PAG1: variants seen among roughly 807,000 people sequenced by gnomAD.
The protein encoded by PAG1 is phosphoprotein associated with glycosphingolipid-enriched microdomains 1.
A neutral mutation model predicts 31.7 loss-of-function variants in PAG1; 23 were observed. The observed-to-expected ratio is 0.73, with a 90% CI of 0.52 to 1.03. The LOEUF is 1.03. PAG1 is among the 50% of genes least tolerant of loss of function. PAG1 has a pLI of 0.00. For synonymous variants in PAG1, 214 were observed against 210.3 expected (o/e 1.02, Z -0.15); for missense variants, 473 against 540.7 (o/e 0.87, Z 1.24).
intron 3 of PAG1, among the ~76,000 whole-genome samples, chr8:81,021,384 C>CATT (rs1172414077): frequency 7.3e-5 from 11 of 150,740 alleles, no homozygotes; most frequent in Non-Finnish European, 5.9e-5. Flanking sequence ...AATATCGGTA[C>CATT]ATTATTATTA....
At chr8:81,007,364 A>G (rs935864040) in intron 3 of PAG1, among the ~76,000 whole-genome samples, 1 of 151,904 alleles carries the variant, frequency 6.6e-6, no homozygotes, top group Non-Finnish European at 1.5e-5. Context: ...CTATAATCCC[A>G]GCACTTTGGG....
rs1809775442 is a variant in PAG1 at position 81,111,642 on chromosome 8, C to T, written c.-285G>A. On this transcript the variant is annotated 5_prime_UTR_variant, in exon 1 of 9. Transcript: ENST00000220597. ...CTGGCGGACGGCGCTCGGAGGCAGC[C>T]TCTGCAAACTCCGGCGCGCAGCGCC... 1 of 152,418 alleles carries T rather than the reference C, an allele frequency of 6.6e-6. No individual in the cohort carries two copies. Among genetic ancestry groups the T allele is most frequent in the Non-Finnish European group, 1.5e-5 (1 of 68,194 alleles). The allele number at this position is 152,418 out of a possible 1,614,324, so 9.4% of individuals were successfully genotyped here.
chr8:81,109,851 C>T (rs1809747351), intron 1 of PAG1, among the ~76,000 whole-genome samples: 1 of 152,150 alleles, frequency 6.6e-6, no homozygotes, highest in African/African-American at 2.4e-5. Flanking sequence ...ACAGATGGTA[C>T]CAGAGCTGGC....
At chr8:81,104,078 CA>C (rs112751064) in intron 1 of PAG1, among the ~76,000 whole-genome samples, 21,299 of 152,124 alleles carry the variant, frequency 0.14, 1,739 homozygotes, top group Middle Eastern at 0.22. Flanking sequence ...TTCTTCCCCC[CA>C]TCCCCTTTCC....
rs765881628 is a variant in PAG1 at position 80,969,027 on chromosome 8, G to A, written c.*7517C>T. On this transcript the variant is annotated 3_prime_UTR_variant, in exon 9 of 9. Transcript: ENST00000220597. ...ATAATTTTTAAAAAGTGTCAAGGTC[G>A]CAAGCATACTAGAATGCTCACAAAT... The A allele has an allele frequency of 6.6e-6, 1 of 152,178 alleles. No individual in the cohort carries two copies. Among genetic ancestry groups the A allele is most frequent in the Admixed American group, 6.5e-5 (1 of 15,268 alleles). 9.4% of individuals were successfully genotyped at this position (152,178 alleles called of 1,614,324 possible).
chr8:81,093,575 G>A (rs1030790473), intron 1 of PAG1, among the ~76,000 whole-genome samples: 1 of 151,786 alleles, frequency 6.6e-6, no homozygotes, highest in Admixed American at 6.6e-5. Context: ...AGACAAGGGG[G>A]TAGACACGTT....
chr8:80,978,869 T>A (rs1238129194), intron 8 of PAG1, among the ~76,000 whole-genome samples: 3 of 152,230 alleles, frequency 2.0e-5, no homozygotes, highest in Non-Finnish European at 2.9e-5. Context: ...AATTTTTCTC[T>A]TTAAAACTTT....
rs1807128353 is a variant in PAG1, at chr8:80,973,913, G to A, written c.*2631C>T. On this transcript the variant is annotated 3_prime_UTR_variant, in exon 9 of 9. Coordinates refer to ENST00000220597, the MANE Select transcript of PAG1 (RefSeq NM_018440.4). Reference sequence around the variant, plus strand: ...CTGCTTCTCTCCCCCAGCCCTCATGGCCTGTGCTACCATCTATTCTTTTAG... The same window carrying A: ...CTGCTTCTCTCCCCCAGCCCTCATGACCTGTGCTACCATCTATTCTTTTAG... The A allele has an allele frequency of 6.6e-6, 1 of 152,156 alleles. No homozygotes were observed. The allele number at this position is 152,156 out of a possible 1,614,324, so 9.4% of individuals were successfully genotyped here.
Position 80,990,577 on chromosome 8 carries a change from T to C in PAG1, c.177+902A>G, listed in dbSNP as rs1807519876. Among the ~76,000 whole-genome samples, 4 of 152,164 alleles carry C rather than the reference T, an allele frequency of 2.6e-5. No individual in the cohort carries two copies. The highest frequency in any genetic ancestry group is 2.6e-4 in the Admixed American group (4 of 15,282). On this transcript the variant is annotated intron_variant, in intron 5 of 8. Transcript: ENST00000220597. This position sits in a 1 kb window ranked among gnomAD's most constrained non-coding sequence, Gnocchi z 5.1. ...GGGCCCCCTCCCCAGCGGCTGGGAC[T>C]GCTCAGCCATTCAAAAGCACGGGCC...
chr8:81,071,783 T>C (rs1208931366), intron 1 of PAG1, among the ~76,000 whole-genome samples: 1 of 152,156 alleles, frequency 6.6e-6, no homozygotes, highest in African/African-American at 2.4e-5. Context: ...AAGAGGAGTA[T>C]GAACAGGTTG....
At chr8:80,987,333 G>T in intron 6 of PAG1, 37 bp downstream of exon 6, 1 of 1,274,240 alleles carries the variant, frequency 7.8e-7, no homozygotes, top group South Asian at 1.2e-5. Flanking sequence ...GAGGTGATGA[G>T]GCCTGTGTGG....
chr8:81,106,604 C>T (rs78448143), intron 1 of PAG1, among the ~76,000 whole-genome samples: 7,659 of 152,100 alleles, frequency 0.05, 220 homozygotes, highest in Middle Eastern at 0.11. Context: ...ACAGGATATG[C>T]CAAAATATTA....
In PAG1 at chr8:80,976,132, G is replaced by C. The variant is rs909764635; in HGVS notation, c.*412C>G. On this transcript the variant is annotated 3_prime_UTR_variant, in exon 9 of 9. Transcript: ENST00000220597. Reference sequence around the variant, plus strand: ...AAAGCCTTAAAGTCAGTAGCAGACAGAGAAAAGGAAAGAGAGGAAGAAAAA... The same window carrying C: ...AAAGCCTTAAAGTCAGTAGCAGACACAGAAAAGGAAAGAGAGGAAGAAAAA... 4 of 165,658 alleles carry C rather than the reference G, an allele frequency of 2.4e-5. No homozygotes were observed. The highest frequency in any genetic ancestry group is 1.8e-4 in the East Asian group (1 of 5,544). 10.3% of individuals were successfully genotyped at this position (165,658 alleles called of 1,614,324 possible).
intron 8 of PAG1, 29 bp downstream of exon 8, chr8:80,980,406 T>A: frequency 7.5e-7 from 1 of 1,329,898 alleles, no homozygotes; most frequent in Non-Finnish European, 1.1e-6. Context: ...TACTACAGTT[T>A]TCCCTTTTTA....
intron 4 of PAG1, among the ~76,000 whole-genome samples, chr8:80,991,927 G>A (rs1479765603): frequency 2.0e-5 from 3 of 151,778 alleles, no homozygotes; most frequent in Non-Finnish European, 4.4e-5. Flanking sequence ...CACTGCAGTG[G>A]GATGGAGAAA....
chr8:80,972,940 CGTGTGTGT>C lies in PAG1; in HGVS notation c.*3596_*3603del, dbSNP rs112676321. On this transcript the variant is annotated 3_prime_UTR_variant, in exon 9 of 9. Coordinates refer to ENST00000220597, the MANE Select transcript of PAG1 (RefSeq NM_018440.4). ...AAGTATATACACACACACACGTATA[CGTGTGTGT>C]GTGTGTGTGTGTGTGTGTAGTTTAT... is the stretch of plus-strand genomic sequence containing the variant. 20 of 146,296 alleles carry C rather than the reference CGTGTGTGT, an allele frequency of 1.4e-4. No homozygotes were observed. The highest frequency in any genetic ancestry group is 2.9e-4 in the Non-Finnish European group (19 of 65,996). 9.1% of individuals were successfully genotyped at this position (146,296 alleles called of 1,614,324 possible).
At chr8:81,092,638 C>T (rs1400765003) in intron 1 of PAG1, among the ~76,000 whole-genome samples, 1 of 152,184 alleles carries the variant, frequency 6.6e-6, no homozygotes, top group East Asian at 1.9e-4. Flanking sequence ...ACAAATGAAA[C>T]AGCATTACAA....
At chr8:81,059,203 T>C (rs1024770164) in intron 2 of PAG1, among the ~76,000 whole-genome samples, 4 of 152,178 alleles carry the variant, frequency 2.6e-5, no homozygotes, top group Admixed American at 1.3e-4. Context: ...ATGTAAGTAG[T>C]TGATATACTG....
chr8:80,992,942 G>C (rs1376013401), intron 4 of PAG1, among the ~76,000 whole-genome samples, 161 bp downstream of exon 4: 12 of 152,140 alleles, frequency 7.9e-5, no homozygotes, highest in African/African-American at 2.4e-4. Context: ...AGAATGTCCC[G>C]AGACGCTCTG....
Sources: allele counts gnomAD v4.1 joint callset (sites outside exome capture counted in the v4.1 genomes callset), GRCh38; gene constraint gnomAD v4.1.1; non-coding constraint Gnocchi (gnomAD v3.1); transcripts MANE v1.5; gene names NCBI Gene and HGNC (gene_info 2026-07-23, HGNC 2026-07-21).